The following SHC4 variants were observed in gnomAD, a reference collection of about 807,000 sequenced individuals.
SHC4 encodes the protein SHC adaptor protein 4.
Under a neutral mutation model 69.4 loss-of-function variants are expected in SHC4, and 41 were observed. The observed-to-expected ratio is 0.59, with a 90% CI of 0.46 to 0.77. The LOEUF is 0.77. Ranked by LOEUF, SHC4 falls within the 30% of genes least tolerant of loss-of-function variation. SHC4 has a pLI of 0.00. For missense variants in SHC4, 777 were observed against 783.8 expected, an observed-to-expected ratio of 0.99 and a Z score of 0.10; for synonymous variants, 318 against 299.3, an observed-to-expected ratio of 1.06 and a Z score of -0.64.
intron 1 of SHC4, among the ~76,000 whole-genome samples, chr15:48,957,650 C>T (rs1468817995): frequency 6.6e-6 from 1 of 152,220 alleles, no homozygotes; most frequent in African/African-American, 2.4e-5. Context: ...TGAGCAAACA[C>T]ATTGCAATAA....
At chr15:48,949,336 A>T (rs979903410) in intron 1 of SHC4, among the ~76,000 whole-genome samples, 5 of 148,734 alleles carry the variant, frequency 3.4e-5, no homozygotes, top group African/African-American at 1.2e-4. Context: ...ATGCCACTGC[A>T]CTCCAGCCTG....
At chr15:48,919,505 T>C (rs1370220722) in intron 2 of SHC4, among the ~76,000 whole-genome samples, 1 of 151,412 alleles carries the variant, frequency 6.6e-6, no homozygotes, top group Non-Finnish European at 1.5e-5. Flanking sequence ...CTCAGGCTGG[T>C]CTCAAACTCC....
intron 3 of SHC4, among the ~76,000 whole-genome samples, chr15:48,886,152 G>C (rs1900031901): frequency 6.6e-6 from 1 of 152,144 alleles, no homozygotes. Context: ...AGCTACTGAG[G>C]AGGCTGAGGT....
At chr15:48,833,719 G>A (rs1898850372) in intron 11 of SHC4, among the ~76,000 whole-genome samples, 1 of 152,174 alleles carries the variant, frequency 6.6e-6, no homozygotes, top group Non-Finnish European at 1.5e-5. Context: ...AACATGGCAT[G>A]CAAGCTCTAC....
intron 4 of SHC4, among the ~76,000 whole-genome samples, chr15:48,881,789 TA>T (rs1341675204): frequency 6.6e-6 from 1 of 152,154 alleles, no homozygotes; most frequent in African/African-American, 2.4e-5. Context: ...ACCTATAACT[TA>T]CCCTTGCAAA....
intron 10 of SHC4, among the ~76,000 whole-genome samples, chr15:48,843,156 T>C (rs1418397197): frequency 6.6e-6 from 1 of 152,070 alleles, no homozygotes; most frequent in African/African-American, 2.4e-5. Flanking sequence ...GGGCAGTCAA[T>C]ATGAAGACAG....
chr15:48,862,121 C>T (rs188480873), intron 6 of SHC4, among the ~76,000 whole-genome samples: 340 of 151,734 alleles, frequency 2.2e-3, no homozygotes, highest in African/African-American at 7.9e-3. Context: ...CCAGGACAGT[C>T]GTAGGCATAC....
At chr15:48,901,007 A>G (rs1595750591) in intron 2 of SHC4, among the ~76,000 whole-genome samples, 1 of 152,340 alleles carries the variant, frequency 6.6e-6, no homozygotes, top group Admixed American at 6.5e-5. Context: ...TAGCTAGAAA[A>G]ACAGCCATAG....
At chr15:48,849,355 C>T (rs1418251794) in intron 9 of SHC4, among the ~76,000 whole-genome samples, 1 of 152,164 alleles carries the variant, frequency 6.6e-6, no homozygotes, top group Non-Finnish European at 1.5e-5. Context: ...GGGAGAGCCT[C>T]TACAGCCTCC....
chr15:48,934,506 A>G lies in SHC4; in HGVS notation c.586-9557T>C, dbSNP rs116791697. On this transcript the variant is annotated intron_variant, in intron 1 of 11. Coordinates refer to ENST00000332408, the MANE Select transcript of SHC4 (RefSeq NM_203349.4). ...CATACATTGCTGGTGGGAATACAACATGGTAACACCACTAGGGGAAACAGC... is the reference window on the plus strand; with the variant it reads ...CATACATTGCTGGTGGGAATACAACGTGGTAACACCACTAGGGGAAACAGC... Among the ~76,000 whole-genome samples, 895 of 152,280 alleles carry G rather than the reference A, an allele frequency of 5.9e-3. 12 individuals are homozygous for G. Among genetic ancestry groups the G allele is most frequent in the African/African-American group, 0.021 (864 of 41,572 alleles).
At chr15:48,878,962 T>G in intron 4 of SHC4, 5 of 469,558 alleles carry the variant, frequency 1.1e-5, no homozygotes, top group Non-Finnish European at 3.9e-6. Flanking sequence ...TGAAATCAAT[T>G]ATCAAGAACG....
chr15:48,832,052 A>C (rs11070655), intron 11 of SHC4, among the ~76,000 whole-genome samples: 128,502 of 152,228 alleles, frequency 0.84, 54,524 homozygotes, highest in East Asian at 1. Context: ...AGGTGGATAA[A>C]CTGAGGTCTG....
chr15:48,913,399 C>T (rs1216109574), intron 2 of SHC4, among the ~76,000 whole-genome samples: 2 of 152,090 alleles, frequency 1.3e-5, no homozygotes, highest in South Asian at 2.1e-4. Context: ...TCACAGGCCT[C>T]ATCCAGCTCC....
intron 3 of SHC4, among the ~76,000 whole-genome samples, chr15:48,886,076 G>T (rs919281883): frequency 6.6e-6 from 1 of 152,130 alleles, no homozygotes; most frequent in Non-Finnish European, 1.5e-5. Context: ...GACCAACATG[G>T]TGAAACCCCG....
intron 2 of SHC4, among the ~76,000 whole-genome samples, chr15:48,897,541 CT>C (rs200339110): frequency 0.044 from 6,028 of 136,572 alleles, 243 homozygotes; most frequent in East Asian, 0.22. Context: ...CACGCACACA[CT>C]TTTTTTTTTT....
chr15:48,872,922 T>C (rs539089586), intron 4 of SHC4, among the ~76,000 whole-genome samples: 11 of 152,340 alleles, frequency 7.2e-5, no homozygotes, highest in African/African-American at 2.2e-4. Context: ...TATGCACCTA[T>C]TGACTAATCC....
At chr15:48,880,085 AGT>A (rs1899911422) in intron 4 of SHC4, 1 of 167,122 alleles carries the variant, frequency 6.0e-6, no homozygotes, top group Non-Finnish European at 1.5e-5. Flanking sequence ...CAGCAAAATA[AGT>A]GTATCAGCAG....
intron 6 of SHC4, among the ~76,000 whole-genome samples, chr15:48,859,640 T>C (rs1406279099): frequency 6.6e-6 from 1 of 152,190 alleles, no homozygotes; most frequent in Admixed American, 6.5e-5. Flanking sequence ...GAATAAATAG[T>C]GATTTCTCTG....
At chr15:48,885,873 G>A (rs1900026648) in intron 3 of SHC4, among the ~76,000 whole-genome samples, 1 of 152,204 alleles carries the variant, frequency 6.6e-6, no homozygotes, top group African/African-American at 2.4e-5. Context: ...GAGCCACACA[G>A]TTCAGGGATT....
Sources: allele counts gnomAD v4.1 joint callset (sites outside exome capture counted in the v4.1 genomes callset), GRCh38; gene constraint gnomAD v4.1.1; transcripts MANE v1.5; gene names NCBI Gene and HGNC (gene_info 2026-07-23, HGNC 2026-07-21).